Variants in VPS13B observed in about 807,000 individuals in gnomAD.
The protein encoded by VPS13B is vacuolar protein sorting 13 homolog B.
Under a neutral mutation model 426.4 loss-of-function variants are expected in VPS13B, and 285 were observed. That is an observed-to-expected ratio of 0.67 (90% CI 0.61 to 0.74). The LOEUF (loss-of-function observed/expected upper bound fraction) is 0.74, where lower values mean the gene tolerates loss of function less well. VPS13B is among the 30% of genes least tolerant of loss of function. The probability of loss-of-function intolerance (pLI) is 0.00; values close to 1 mark genes in which losing one functional copy is unlikely to be tolerated. For synonymous variants in VPS13B, 1,676 were observed against 1,676.4 expected (o/e 1.00, Z 0.01); for missense variants, 4,537 against 4,782.6 (o/e 0.95, Z 1.51).
At chr8:99,643,457 G>A (rs932679535) in intron 34 of VPS13B, among the ~76,000 whole-genome samples, 1 of 152,178 alleles carries the variant, frequency 6.6e-6, no homozygotes, top group African/African-American at 2.4e-5. Context: ...AAGGTAGATG[G>A]CAGGTGTGGG....
At chr8:99,227,894 A>G (rs968197115) in intron 17 of VPS13B, among the ~76,000 whole-genome samples, 4 of 152,174 alleles carry the variant, frequency 2.6e-5, no homozygotes, top group African/African-American at 9.7e-5. Context: ...CCCAATGCTT[A>G]AGTTGTAACA....
chr8:99,567,337 T>C (rs1479780630), intron 31 of VPS13B, among the ~76,000 whole-genome samples: 2 of 152,206 alleles, frequency 1.3e-5, no homozygotes. Flanking sequence ...TAAAATTGAA[T>C]TAAGTTAATA....
chr8:99,278,205 C>A (rs533292415), intron 19 of VPS13B, among the ~76,000 whole-genome samples: 2 of 152,132 alleles, frequency 1.3e-5, no homozygotes, highest in African/African-American at 4.8e-5. Context: ...CATATACTCT[C>A]AAATTGAGGG....
chr8:99,590,565 C>CT (rs544046418), intron 33 of VPS13B, among the ~76,000 whole-genome samples: 79 of 152,256 alleles, frequency 5.2e-4, no homozygotes, highest in Admixed American at 1.0e-3. Flanking sequence ...CAAAGAACAT[C>CT]TTTATTTCTG....
intron 43 of VPS13B, among the ~76,000 whole-genome samples, chr8:99,806,163 C>A (rs1813387920): frequency 6.6e-6 from 1 of 152,218 alleles, no homozygotes; most frequent in African/African-American, 2.4e-5. Flanking sequence ...CTAATTCCTG[C>A]ATAAAGTGCA....
At chr8:99,390,886 A>G (rs765913301) in intron 20 of VPS13B, among the ~76,000 whole-genome samples, 4 of 152,228 alleles carry the variant, frequency 2.6e-5, no homozygotes, top group Non-Finnish European at 5.9e-5. Flanking sequence ...GTGAATAAAG[A>G]TGAAACAGCT....
chr8:99,399,566 G>C lies in VPS13B; in HGVS notation c.3082+7862G>C, dbSNP rs551163538. 2.6e-5 allele frequency among the ~76,000 whole-genome samples: 4 copies of C among 152,150 alleles called. No homozygotes were observed. In the South Asian group the frequency reaches 8.3e-4, roughly 32 times the overall value. ...AAGATGATAAATATGAATTATCTCT[G>C]ATGATAGCTATCACTTTCATAAACA... On this transcript the variant is annotated intron_variant, in intron 21 of 61. Coordinates refer to ENST00000357162, the MANE Select transcript of VPS13B (RefSeq NM_152564.5).
At chr8:99,638,024 CAT>C (rs1442880367) in intron 33 of VPS13B, among the ~76,000 whole-genome samples, 8 of 152,190 alleles carry the variant, frequency 5.3e-5, no homozygotes, top group African/African-American at 1.9e-4. Flanking sequence ...TCACTTTTCA[CAT>C]GTTATGTGAG....
chr8:99,668,316 A>G (rs1399321987), intron 35 of VPS13B, among the ~76,000 whole-genome samples: 1 of 151,252 alleles, frequency 6.6e-6, no homozygotes, highest in African/African-American at 2.4e-5. Flanking sequence ...TGATCATGCT[A>G]CTGCACTCCA....
intron 25 of VPS13B, among the ~76,000 whole-genome samples, chr8:99,483,457 T>A (rs145947070): frequency 5.9e-5 from 9 of 152,212 alleles, no homozygotes; most frequent in African/African-American, 2.2e-4. Context: ...TTTAACTTTA[T>A]TGAATACAGC....
chr8:99,668,994 G>A (rs932087290), intron 35 of VPS13B, among the ~76,000 whole-genome samples: 1 of 152,044 alleles, frequency 6.6e-6, no homozygotes, highest in Non-Finnish European at 1.5e-5. Context: ...AAAATTCCCC[G>A]TGAGAAGGTG....
chr8:99,128,987 T>A (rs1020204912), intron 8 of VPS13B, among the ~76,000 whole-genome samples: 3 of 151,716 alleles, frequency 2.0e-5, no homozygotes, highest in Admixed American at 6.6e-5. Context: ...AAAAAAAAAA[T>A]TTACAAATAA....
chr8:99,516,609 C>A (rs183104379), intron 29 of VPS13B, among the ~76,000 whole-genome samples: 14 of 151,440 alleles, frequency 9.2e-5, no homozygotes, highest in African/African-American at 3.4e-4. Context: ...GGCTACATGG[C>A]GAAACCCCAT....
chr8:99,404,930 G>T (rs926973116), intron 21 of VPS13B, among the ~76,000 whole-genome samples: 1 of 152,188 alleles, frequency 6.6e-6, no homozygotes, highest in African/African-American at 2.4e-5. Context: ...TCATATTTTT[G>T]ATGTTTGAAT....
At chr8:99,308,963 G>A (rs1041932321) in intron 19 of VPS13B, among the ~76,000 whole-genome samples, 2 of 152,140 alleles carry the variant, frequency 1.3e-5, no homozygotes, top group Non-Finnish European at 2.9e-5. Flanking sequence ...GTGTCTGTGG[G>A]CTGCATACGT....
chr8:99,696,463 G>T (rs527323287), intron 35 of VPS13B: 6 of 376,778 alleles, frequency 1.6e-5, no homozygotes, highest in South Asian at 1.1e-4. Context: ...CAGTTTCTCC[G>T]GATCCGCGCC....
chr8:99,395,051 A>T (rs1209636757), intron 21 of VPS13B, among the ~76,000 whole-genome samples: 1 of 152,202 alleles, frequency 6.6e-6, no homozygotes, highest in Non-Finnish European at 1.5e-5. Flanking sequence ...TAGGCAGTGC[A>T]GGAGTGTGAT....
In VPS13B at chr8:99,526,249, TTAA is replaced by T. The variant is rs557162833; in HGVS notation, c.4745+5242_4745+5244del. Among the ~76,000 whole-genome samples, 231 of 152,278 alleles carry T rather than the reference TTAA, an allele frequency of 1.5e-3. 2 individuals are homozygous for T. The highest frequency in any genetic ancestry group is 5.4e-3 in the African/African-American group (224 of 41,550). Reference sequence around the variant, plus strand: ...CCTAAAAGAATCATGTTAAGAATTATTAATATTTTTGCTACTTGAGTTAACTGA... The same window carrying T: ...CCTAAAAGAATCATGTTAAGAATTATTATTTTTGCTACTTGAGTTAACTGA... On this transcript the variant is annotated intron_variant, in intron 30 of 61. Coordinates refer to ENST00000357162, the MANE Select transcript of VPS13B (RefSeq NM_152564.5).
chr8:99,573,398 G>A (rs948227963), intron 31 of VPS13B, among the ~76,000 whole-genome samples: 7 of 152,176 alleles, frequency 4.6e-5, no homozygotes, highest in Admixed American at 3.9e-4. Context: ...GAAAGGTATT[G>A]CCTAGGTTTT....
Sources: allele counts gnomAD v4.1 joint callset (sites outside exome capture counted in the v4.1 genomes callset), GRCh38; gene constraint gnomAD v4.1.1; transcripts MANE v1.5; gene names NCBI Gene and HGNC (gene_info 2026-07-23, HGNC 2026-07-21).